The following NRXN1 variants were observed in gnomAD, a reference collection of about 807,000 sequenced individuals.
NRXN1 encodes the protein neurexin 1.
In NRXN1, 39 loss-of-function variants were observed where a neutral mutation model predicts 150.9. That is an observed-to-expected ratio of 0.26 (90% CI 0.20 to 0.34). The LOEUF (loss-of-function observed/expected upper bound fraction) is 0.34, where lower values mean the gene tolerates loss of function less well. NRXN1 is among the 10% of genes least tolerant of loss of function. NRXN1 has a pLI of 1.00. For missense variants in NRXN1, 1,815 were observed against 1,949.9 expected, an observed-to-expected ratio of 0.93 and a Z score of 1.30; for synonymous variants, 924 against 757.0, an observed-to-expected ratio of 1.22 and a Z score of -3.62.
intron 17 of NRXN1, among the ~76,000 whole-genome samples, chr2:50,295,312 C>T (rs1313027104): frequency 1.3e-5 from 2 of 152,114 alleles, no homozygotes; most frequent in Non-Finnish European, 2.9e-5. Flanking sequence ...TTGGATAGGT[C>T]AATGAAAATC....
intron 21 of NRXN1, among the ~76,000 whole-genome samples, chr2:50,013,816 C>T (rs1686110402): frequency 6.6e-6 from 1 of 152,080 alleles, no homozygotes; most frequent in South Asian, 2.1e-4. Flanking sequence ...AAAGACATTT[C>T]TTATTTTTGA....
chr2:50,562,132 A>G (rs1040100993), intron 8 of NRXN1, among the ~76,000 whole-genome samples: 2 of 152,200 alleles, frequency 1.3e-5, no homozygotes, highest in Non-Finnish European at 2.9e-5. Context: ...CAAAATAGTG[A>G]CACTAAATGA....
At chr2:50,576,762 G>C (rs56719453) in intron 8 of NRXN1, among the ~76,000 whole-genome samples, 3,173 of 152,042 alleles carry the variant, frequency 0.021, 100 homozygotes, top group African/African-American at 0.071. Flanking sequence ...CTTTTTTAAA[G>C]CATTGTCAAT....
intron 18 of NRXN1, among the ~76,000 whole-genome samples, chr2:50,160,138 C>T (rs6723207): frequency 0.56 from 85,202 of 151,694 alleles, 24,500 homozygotes; most frequent in Middle Eastern, 0.65. Context: ...AGAACTAGTA[C>T]ATAGTGAGGG....
chr2:49,959,980 G>A (rs1284630816), intron 21 of NRXN1, among the ~76,000 whole-genome samples: 1 of 152,120 alleles, frequency 6.6e-6, no homozygotes, highest in South Asian at 2.1e-4. Context: ...TTTCCTGAAT[G>A]TTCTCTTTTG....
chr2:49,990,352 G>T (rs896753889), intron 21 of NRXN1, among the ~76,000 whole-genome samples: 11 of 152,330 alleles, frequency 7.2e-5, no homozygotes, highest in Non-Finnish European at 8.8e-5. Flanking sequence ...AAGACAAAAG[G>T]AAGGAGGGAG....
intron 5 of NRXN1, among the ~76,000 whole-genome samples, chr2:50,842,399 A>C (rs1322323263): frequency 1.3e-5 from 2 of 152,210 alleles, no homozygotes; most frequent in East Asian, 3.8e-4. Context: ...GACAACTGTA[A>C]GTAAATTACA....
intron 12 of NRXN1, among the ~76,000 whole-genome samples, chr2:50,511,092 G>T (rs1433724551): frequency 6.6e-6 from 1 of 151,108 alleles, no homozygotes; most frequent in Non-Finnish European, 1.5e-5. Context: ...ACAGAATCTC[G>T]CTCTGTTGCT....
chr2:50,413,612 G>C (rs2083338929), intron 17 of NRXN1, among the ~76,000 whole-genome samples: 1 of 152,108 alleles, frequency 6.6e-6, no homozygotes, highest in Non-Finnish European at 1.5e-5. Flanking sequence ...CCACTATAGA[G>C]AACAGTTTGG....
chr2:50,330,013 A>G (rs1263268208), intron 17 of NRXN1, among the ~76,000 whole-genome samples: 1 of 152,028 alleles, frequency 6.6e-6, no homozygotes, highest in African/African-American at 2.4e-5. Flanking sequence ...CTATCTGTCC[A>G]ATATCAAAAA....
intron 2 of NRXN1, among the ~76,000 whole-genome samples, chr2:51,020,747 C>G (rs1237184139): frequency 6.6e-6 from 1 of 151,894 alleles, no homozygotes; most frequent in Non-Finnish European, 1.5e-5. Flanking sequence ...TTACTTTTAA[C>G]ATATATTAAG....
intron 15 of NRXN1, among the ~76,000 whole-genome samples, chr2:50,482,965 C>T (rs931122468): frequency 2.7e-5 from 4 of 148,514 alleles, no homozygotes; most frequent in Non-Finnish European, 5.9e-5. Context: ...GCAGGAGAAT[C>T]GCTTGAACCC....
chr2:50,649,245 C>T (rs1190085959), intron 5 of NRXN1, among the ~76,000 whole-genome samples: 1 of 97,052 alleles, frequency 1.0e-5, no homozygotes, highest in Non-Finnish European at 2.1e-5. Context: ...AGCATGTATA[C>T]ACACATACAC....
intron 2 of NRXN1, among the ~76,000 whole-genome samples, chr2:50,931,544 A>G (rs1046701961): frequency 6.6e-6 from 1 of 152,096 alleles, no homozygotes; most frequent in Non-Finnish European, 1.5e-5. Flanking sequence ...CAAATTAAAA[A>G]TATTTTATAT....
intron 5 of NRXN1, among the ~76,000 whole-genome samples, chr2:50,810,398 G>C (rs1203803148): frequency 1.3e-5 from 2 of 152,136 alleles, no homozygotes; most frequent in Non-Finnish European, 2.9e-5. Context: ...TCTGAAACTT[G>C]AGAGGGAACC....
Position 50,497,767 on chromosome 2 carries a change from A to C in NRXN1, c.2498-53T>G, listed in dbSNP as rs2091723944. On this transcript the variant is annotated intron_variant, in intron 13 of 22. Transcript: ENST00000401669. ...TTTCTGTATCTGAAAGGCACTTTCA[A>C]CTTTAGGCTTTCATAACAATATCAC... 2.0e-6 allele frequency: 3 copies of C among 1,500,114 alleles called. No homozygotes were observed. In the African/African-American group the frequency reaches 4.2e-5, roughly 21 times the overall value. The allele number at this position is 1,500,114 out of a possible 1,614,324, so 92.9% of individuals were successfully genotyped here. A position where few individuals can be genotyped will look rare whatever the true frequency, so the allele number is the denominator to read the frequency against.
intron 5 of NRXN1, among the ~76,000 whole-genome samples, chr2:50,765,223 C>T (rs1422400416): frequency 6.6e-6 from 1 of 151,974 alleles, no homozygotes. Context: ...GTACGCTTTA[C>T]CAGATGCTCC....
chr2:50,126,602 T>G (rs2152742644), intron 18 of NRXN1, among the ~76,000 whole-genome samples: 1 of 152,280 alleles, frequency 6.6e-6, no homozygotes, highest in Non-Finnish European at 1.5e-5. Flanking sequence ...ACATTCATTC[T>G]AAGCCTACGT....
intron 5 of NRXN1, among the ~76,000 whole-genome samples, chr2:50,663,584 T>C (rs1455752729): frequency 6.6e-6 from 1 of 152,032 alleles, no homozygotes; most frequent in Non-Finnish European, 1.5e-5. Flanking sequence ...TGGTTTAGAA[T>C]TGGCTAATTC....
Sources: allele counts gnomAD v4.1 joint callset (sites outside exome capture counted in the v4.1 genomes callset), GRCh38; gene constraint gnomAD v4.1.1; transcripts MANE v1.5; gene names NCBI Gene and HGNC (gene_info 2026-07-23, HGNC 2026-07-21).